The following CACNA2D1 variants were observed in gnomAD, a reference collection of about 807,000 sequenced individuals.
The protein encoded by CACNA2D1 is voltage-dependent calcium channel subunit alpha-2/delta-1.
A neutral mutation model predicts 171.5 loss-of-function variants in CACNA2D1; 53 were observed. The ratio of observed to expected loss-of-function variants is 0.31; its 90% CI spans 0.25 to 0.39. The LOEUF (loss-of-function observed/expected upper bound fraction) is 0.39, where lower values mean the gene tolerates loss of function less well. Ranked by LOEUF, CACNA2D1 falls within the 10% of genes least tolerant of loss-of-function variation. CACNA2D1 has a pLI of 1.00. For synonymous variants in CACNA2D1, 442 were observed against 443.1 expected (o/e 1.00, Z 0.03); for missense variants, 903 against 1,299.8 (o/e 0.69, Z 4.69).
chr7:82,205,153 G>A (rs1051833260), intron 3 of CACNA2D1, among the ~76,000 whole-genome samples: 8 of 152,160 alleles, frequency 5.3e-5, no homozygotes, highest in Non-Finnish European at 1.5e-5. Context: ...TGTTCTTTCA[G>A]CTACCTGCCA....
chr7:82,100,459 T>G (rs768882719), intron 6 of CACNA2D1, among the ~76,000 whole-genome samples: 1 of 152,182 alleles, frequency 6.6e-6, no homozygotes, highest in Non-Finnish European at 1.5e-5. Flanking sequence ...TTCATTAAGA[T>G]GAAAACTTTC....
intron 3 of CACNA2D1, among the ~76,000 whole-genome samples, chr7:82,171,222 T>G: frequency 6.6e-6 from 1 of 152,088 alleles, no homozygotes; most frequent in East Asian, 1.9e-4. Context: ...ATAAGCCAAT[T>G]TATTTTCCTA....
chr7:82,386,405 T>C (rs1479599612), intron 1 of CACNA2D1, among the ~76,000 whole-genome samples: 1 of 152,154 alleles, frequency 6.6e-6, no homozygotes, highest in Non-Finnish European at 1.5e-5. Flanking sequence ...CAAAATTACA[T>C]TTTAATATAC....
At chr7:81,964,133 T>C (rs1201761513) in intron 33 of CACNA2D1, 25 bp from the exon 34 acceptor site, 1 of 1,611,266 alleles carries the variant, frequency 6.2e-7, no homozygotes, top group African/African-American at 1.3e-5. Flanking sequence ...AATAAGGTCA[T>C]TTCAGTAGTC....
chr7:82,387,592 GAACAGTACCA>G (rs1824554200), intron 1 of CACNA2D1, among the ~76,000 whole-genome samples: 1 of 115,550 alleles, frequency 8.7e-6, no homozygotes, highest in South Asian at 2.5e-4. Context: ...TTCTAACAAT[GAACAGTACCA>G]TGAAAACACC....
intron 20 of CACNA2D1, among the ~76,000 whole-genome samples, chr7:81,992,445 A>T (rs573729753): frequency 1.3e-5 from 2 of 151,980 alleles, no homozygotes; most frequent in Middle Eastern, 3.2e-3. Flanking sequence ...TGTGGGGTGT[A>T]TGTGTGGCAG....
At chr7:82,069,010 CTT>C (rs1222742314) in intron 7 of CACNA2D1, among the ~76,000 whole-genome samples, 1 of 152,076 alleles carries the variant, frequency 6.6e-6, no homozygotes, top group African/African-American at 2.4e-5. Context: ...ATAATCTTCT[CTT>C]AGAGGCTTTC....
intron 8 of CACNA2D1, among the ~76,000 whole-genome samples, chr7:82,065,004 G>C (rs1456155716): frequency 6.6e-6 from 1 of 152,084 alleles, no homozygotes; most frequent in Non-Finnish European, 1.5e-5. Flanking sequence ...TGGTTGTGGA[G>C]AGAGATCATC....
intron 1 of CACNA2D1, among the ~76,000 whole-genome samples, chr7:82,393,535 G>T (rs1825430446): frequency 6.6e-6 from 1 of 152,170 alleles, no homozygotes; most frequent in Admixed American, 6.6e-5. Flanking sequence ...TGTAATAGCA[G>T]ATATAAAAGA....
intron 3 of CACNA2D1, among the ~76,000 whole-genome samples, chr7:82,264,528 C>G (rs1173389032): frequency 6.6e-6 from 1 of 152,194 alleles, no homozygotes; most frequent in Non-Finnish European, 1.5e-5. Flanking sequence ...AGCTTAGTGT[C>G]AGCTCTGCTG....
At position 82,159,225 on chromosome 7, in the gene CACNA2D1, A is replaced by G. The variant is rs1017664941; in HGVS notation, c.354+11325T>C. On this transcript the variant is annotated intron_variant, in intron 4 of 38. Transcript: ENST00000356860. ...ACTTCTAGCTAAAAGTATGAAACAA[A>G]ATAAATCCCAGTAAGAAAGCAAAAA... is the stretch of plus-strand genomic sequence containing the variant. 5.3e-5 allele frequency among the ~76,000 whole-genome samples: 8 copies of G among 152,068 alleles called. No individual in the cohort carries two copies. The East Asian group carries it at 1.5e-3, about 29-fold the overall frequency.
intron 3 of CACNA2D1, among the ~76,000 whole-genome samples, chr7:82,235,118 A>G (rs976966520): frequency 6.6e-6 from 1 of 152,180 alleles, no homozygotes; most frequent in African/African-American, 2.4e-5. Flanking sequence ...AATAACATCT[A>G]ACAATGATAT....
chr7:82,141,958 T>C (rs1347252951), intron 4 of CACNA2D1, among the ~76,000 whole-genome samples: 1 of 152,214 alleles, frequency 6.6e-6, no homozygotes, highest in Admixed American at 6.5e-5. Flanking sequence ...AATGATAGAA[T>C]AGAGTAATCT....
At chr7:82,058,642 G>T (rs1010036870) in intron 10 of CACNA2D1, among the ~76,000 whole-genome samples, 1 of 152,106 alleles carries the variant, frequency 6.6e-6, no homozygotes, top group African/African-American at 2.4e-5. Flanking sequence ...GCAGTATCAA[G>T]TTTTAATAAA....
At chr7:82,123,347 C>G (rs1441829018) in intron 5 of CACNA2D1, among the ~76,000 whole-genome samples, 1 of 152,148 alleles carries the variant, frequency 6.6e-6, no homozygotes, top group Non-Finnish European at 1.5e-5. Context: ...AAACTTAGGA[C>G]TCAAAGTTTA....
intron 5 of CACNA2D1, among the ~76,000 whole-genome samples, chr7:82,129,394 T>C (rs1328069753): frequency 6.6e-6 from 1 of 152,218 alleles, no homozygotes; most frequent in Non-Finnish European, 1.5e-5. Context: ...ACAGGACTTA[T>C]GAATACACCT....
At chr7:82,233,946 A>C (rs553287757) in intron 3 of CACNA2D1, among the ~76,000 whole-genome samples, 1 of 152,164 alleles carries the variant, frequency 6.6e-6, no homozygotes, top group East Asian at 1.9e-4. Context: ...AAACCCTCAA[A>C]CTCAACATCT....
rs776692601 is a variant in CACNA2D1 at position 81,948,444 on chromosome 7, T to C, written c.*1948A>G. On this transcript the variant is annotated 3_prime_UTR_variant, in exon 39 of 39. Coordinates refer to ENST00000356860, the MANE Select transcript of CACNA2D1 (RefSeq NM_000722.4). ...ACAATAGTTGGCAAAGTGATTCCAT[T>C]TCCCCCCACCTTTTTATTGAAAAAA... is the stretch of plus-strand genomic sequence containing the variant. The C allele has an allele frequency of 6.7e-6, 1 of 149,926 alleles. No individual in the cohort carries two copies. Among genetic ancestry groups the C allele is most frequent in the African/African-American group, 2.4e-5 (1 of 41,200 alleles). The allele number at this position is 149,926 out of a possible 1,614,324, so 9.3% of individuals were successfully genotyped here. A position where few individuals can be genotyped will look rare whatever the true frequency, so the allele number is the denominator to read the frequency against.
intron 3 of CACNA2D1, among the ~76,000 whole-genome samples, chr7:82,187,569 A>G (rs569151321): frequency 1.3e-5 from 2 of 152,296 alleles, no homozygotes; most frequent in South Asian, 4.1e-4. Context: ...AAAAAAAGAT[A>G]TTAATAGTCA....
Sources: gnomAD v4.1 joint callset for allele counts (sites outside exome capture counted in the v4.1 genomes callset) on GRCh38, gnomAD v4.1.1 for gene constraint, MANE v1.5 for transcripts, NCBI Gene and HGNC (gene_info 2026-07-23, HGNC 2026-07-21) for gene names.